C10orf53: variants seen among roughly 807,000 people sequenced by gnomAD.
The protein encoded by C10orf53 is chromosome 10 open reading frame 53.
Under a neutral mutation model 9.4 loss-of-function variants are expected in C10orf53, and 8 were observed. That is an observed-to-expected ratio of 0.85 (90% CI 0.50 to 1.53). The LOEUF (loss-of-function observed/expected upper bound fraction) is 1.53. C10orf53 is among the 40% of genes most tolerant of loss of function. The pLI is 0.00. For missense variants in C10orf53, 117 were observed against 117.8 expected (o/e 0.99, Z 0.03); for synonymous variants, 48 against 46.0 (o/e 1.04, Z -0.18).
intron 1 of C10orf53, among the ~76,000 whole-genome samples, chr10:49,690,606 T>C (rs1391341029): frequency 6.6e-6 from 1 of 152,216 alleles, no homozygotes; most frequent in Admixed American, 6.5e-5. Flanking sequence ...ATGGCCTCAA[T>C]GCTGGTGAAG....
rs771388739 is a variant in C10orf53 at position 49,690,859 on chromosome 10, A to T, written c.98-2915A>T. 2.0e-5 allele frequency among the ~76,000 whole-genome samples: 3 copies of T among 152,100 alleles called. No individual in the cohort carries two copies. The East Asian group carries it at 5.8e-4, about 29-fold the overall frequency. ...TGCCTCTGTGCTGAGTAGAGGAGGG[A>T]GAGAGGTCTGTTTACCTCTGCTTCC... On this transcript the variant is annotated intron_variant, in intron 1 of 2. Transcript: ENST00000374111.
chr10:49,698,426 T>C (rs993862050), downstream of C10orf53, among the ~76,000 whole-genome samples: 3 of 152,126 alleles, frequency 2.0e-5, no homozygotes, highest in Non-Finnish European at 2.9e-5. Flanking sequence ...CACATGGTGC[T>C]GAGGGAGGAC....
chr10:49,688,752 G>T (rs746888103), intron 1 of C10orf53, among the ~76,000 whole-genome samples: 4 of 151,944 alleles, frequency 2.6e-5, no homozygotes, highest in Non-Finnish European at 5.9e-5. Context: ...CAGCCGCTCC[G>T]CCTGGAACGC....
chr10:49,688,224 T>G (rs1840547670), intron 1 of C10orf53, among the ~76,000 whole-genome samples: 2 of 151,958 alleles, frequency 1.3e-5, no homozygotes. Context: ...TCACAGCAGC[T>G]CCATCTTGCA....
downstream of C10orf53, among the ~76,000 whole-genome samples, chr10:49,697,870 T>C (rs1840649673): frequency 6.6e-6 from 1 of 152,100 alleles, no homozygotes; most frequent in Non-Finnish European, 1.5e-5. Context: ...TAAATGAAAT[T>C]TGGAGTCTCT....
chr10:49,681,588 G>T (rs78320293), intron 1 of C10orf53, among the ~76,000 whole-genome samples: 6,486 of 152,264 alleles, frequency 0.043, 193 homozygotes, highest in South Asian at 0.093. Context: ...CATAGACTAT[G>T]GGACTTAAAC....
chr10:49,699,984 T>G (rs2132888310), downstream of C10orf53, among the ~76,000 whole-genome samples: 1 of 152,142 alleles, frequency 6.6e-6, no homozygotes, highest in Admixed American at 6.5e-5. Flanking sequence ...TTTGTGAGCG[T>G]GCATGTCCCT....
downstream of C10orf53, among the ~76,000 whole-genome samples, chr10:49,698,304 A>C (rs1045572465): frequency 6.6e-6 from 1 of 152,068 alleles, no homozygotes; most frequent in Non-Finnish European, 1.5e-5. Context: ...AAAACAAAAA[A>C]ACCTGACAAT....
At chr10:49,706,660 G>T (rs1283139641) in intron 2 of C10orf53, among the ~76,000 whole-genome samples, 1 of 152,114 alleles carries the variant, frequency 6.6e-6, no homozygotes, top group East Asian at 1.9e-4. Flanking sequence ...TAGTGATGGG[G>T]TTGTACAAGT....
intron 1 of C10orf53, among the ~76,000 whole-genome samples, chr10:49,690,080 G>A: frequency 6.6e-6 from 1 of 152,178 alleles, no homozygotes; most frequent in South Asian, 2.1e-4. Context: ...CCTGCAGGAG[G>A]TGAGCGGGTG....
At chr10:49,683,418 A>G (rs947475408) in intron 1 of C10orf53, among the ~76,000 whole-genome samples, 1 of 152,232 alleles carries the variant, frequency 6.6e-6, no homozygotes, top group Non-Finnish European at 1.5e-5. Flanking sequence ...GATATTCTGA[A>G]TATGAGACCC....
At chr10:49,688,920 C>T (rs550449600) in intron 1 of C10orf53, among the ~76,000 whole-genome samples, 5 of 152,280 alleles carry the variant, frequency 3.3e-5, no homozygotes, top group African/African-American at 1.2e-4. Flanking sequence ...ATTTCTTCTT[C>T]TTGCTCGTAA....
At chr10:49,700,563 C>G (rs1450593053), downstream of C10orf53, among the ~76,000 whole-genome samples, 1 of 152,140 alleles carries the variant, frequency 6.6e-6, no homozygotes, top group African/African-American at 2.4e-5. Context: ...AGGCTGGTCT[C>G]TAGAGCATGG....
At chr10:49,682,496 T>C (rs1329651414) in intron 1 of C10orf53, among the ~76,000 whole-genome samples, 3 of 152,064 alleles carry the variant, frequency 2.0e-5, no homozygotes, top group Non-Finnish European at 4.4e-5. Context: ...GCAAGATTTA[T>C]TATGAAGAGT....
In C10orf53 at chr10:49,696,694, G is replaced by A. The variant is rs12245565; in HGVS notation, c.*2092G>A. ...CCCTATGTTTCAGTTTGGATCAGAGGCAAATGATGTCTGAATCAGCATTGC... is the reference window on the plus strand; with the variant it reads ...CCCTATGTTTCAGTTTGGATCAGAGACAAATGATGTCTGAATCAGCATTGC... On this transcript the variant is annotated 3_prime_UTR_variant, in exon 3 of 3. Coordinates refer to ENST00000374111, the MANE Select transcript of C10orf53 (RefSeq NM_001042427.3). Among the ~76,000 whole-genome samples the A allele has an allele frequency of 1.3e-3, 192 of 152,190 alleles. 1 individual carries two copies. Among genetic ancestry groups the A allele is most frequent in the African/African-American group, 4.6e-3 (190 of 41,516 alleles).
At chr10:49,682,596 C>T (rs914433401) in intron 1 of C10orf53, among the ~76,000 whole-genome samples, 1 of 151,284 alleles carries the variant, frequency 6.6e-6, no homozygotes, top group African/African-American at 2.4e-5. Context: ...CTGCTGCTGG[C>T]GCAGGTGGCC....
intron 1 of C10orf53, among the ~76,000 whole-genome samples, chr10:49,692,620 C>G (rs997907609): frequency 6.6e-6 from 1 of 152,122 alleles, no homozygotes; most frequent in Non-Finnish European, 1.5e-5. Context: ...CATATGAAGA[C>G]CAACAAAGGT....
In C10orf53 at chr10:49,695,119, T is replaced by A; in HGVS notation, c.*517T>A. 4.0e-6 allele frequency: 1 copy of A among 251,790 alleles called. No homozygotes were observed. Among genetic ancestry groups the A allele is most frequent in the Non-Finnish European group, 6.3e-6 (1 of 159,042 alleles). 15.6% of individuals were successfully genotyped at this position (251,790 alleles called of 1,614,324 possible). A position where few individuals can be genotyped will look rare whatever the true frequency, so the allele number is the denominator to read the frequency against. Reference sequence around the variant, plus strand: ...TTCTGACTCCTGAGGGAATAAATATTTTAAATTGCTATTATAAAATTAGCC... The same window carrying A: ...TTCTGACTCCTGAGGGAATAAATATATTAAATTGCTATTATAAAATTAGCC... On this transcript the variant is annotated 3_prime_UTR_variant, in exon 3 of 3. Transcript: ENST00000374111.
chr10:49,687,338 G>A (rs1590640366), intron 1 of C10orf53, among the ~76,000 whole-genome samples: 3 of 152,152 alleles, frequency 2.0e-5, no homozygotes, highest in African/African-American at 7.2e-5. Flanking sequence ...GTATTGGGGG[G>A]GAAACTCCCC....
Sources: gnomAD v4.1 joint callset for allele counts (sites outside exome capture counted in the v4.1 genomes callset) on GRCh38, gnomAD v4.1.1 for gene constraint, MANE v1.5 for transcripts, NCBI Gene and HGNC (gene_info 2026-07-23, HGNC 2026-07-21) for gene names.